The following PRRX1 variants were observed in gnomAD, a reference collection of about 807,000 sequenced individuals.
The protein encoded by PRRX1 is paired related homeobox 1.
PRRX1 carries 8 observed loss-of-function variants against 24.0 expected under a neutral mutation model. The observed-to-expected ratio is 0.33, with a 90% CI of 0.20 to 0.60. The LOEUF (loss-of-function observed/expected upper bound fraction) is 0.60, where lower values mean the gene tolerates loss of function less well. Among genes scored for constraint, PRRX1 ranks in the 20% least tolerant of loss-of-function variants. The pLI, the probability that PRRX1 is intolerant of heterozygous loss-of-function variation, is 0.82. For synonymous variants in PRRX1, 160 were observed against 131.7 expected (o/e 1.22, Z -1.47); for missense variants, 281 against 322.4 (o/e 0.87, Z 0.98).
Position 170,719,820 on chromosome 1 carries a change from C to G in PRRX1, c.336C>G (p.Val112=). The G allele has an allele frequency of 6.2e-7, 1 of 1,614,204 alleles. No homozygotes were observed. The highest frequency in any genetic ancestry group is 2.2e-5 in the East Asian group (1 of 44,888). Reference sequence around the variant, plus strand: ...GCCAGCTGCAGGCTTTGGAGCGTGTCTTTGAGCGGACACACTATCCTGATG... The same window carrying G: ...GCCAGCTGCAGGCTTTGGAGCGTGTGTTTGAGCGGACACACTATCCTGATG... The part of the protein sequence containing the change: ...NSSQLQALER[V]FERTHYPDAF... Residue 112 remains valine, a synonymous_variant, in exon 2 of 4, where the codon GTC becomes GTG. Coordinates refer to ENST00000239461, the MANE Select transcript of PRRX1 (RefSeq NM_022716.4).
intron 1 of PRRX1, among the ~76,000 whole-genome samples, chr1:170,692,522 T>G (rs1237548855): frequency 1.5e-5 from 2 of 129,082 alleles, no homozygotes; most frequent in Non-Finnish European, 3.4e-5. Flanking sequence ...GTTAAAGCTG[T>G]TTTTTTTTTT....
intron 1 of PRRX1, among the ~76,000 whole-genome samples, chr1:170,695,304 A>G (rs1430494602): frequency 6.6e-6 from 1 of 152,158 alleles, no homozygotes; most frequent in African/African-American, 2.4e-5. Flanking sequence ...AATGCTTATT[A>G]TGTCCCACCA....
intron 1 of PRRX1, among the ~76,000 whole-genome samples, chr1:170,697,356 A>G (rs1457182541): frequency 1.3e-5 from 2 of 152,204 alleles, no homozygotes; most frequent in Non-Finnish European, 2.9e-5. Context: ...AAAGTTTTAT[A>G]AATACATAAT....
intron 3 of PRRX1, among the ~76,000 whole-genome samples, chr1:170,733,800 A>AT (rs1169980276): frequency 6.6e-6 from 1 of 152,132 alleles, no homozygotes; most frequent in Non-Finnish European, 1.5e-5. Flanking sequence ...TACCCTAGAA[A>AT]TTTTTTGAAT....
chr1:170,716,650 T>C (rs1654917674), intron 1 of PRRX1, among the ~76,000 whole-genome samples: 1 of 152,200 alleles, frequency 6.6e-6, no homozygotes, highest in African/African-American at 2.4e-5. Context: ...ATCCTTCCCA[T>C]TTTAGAATGC....
intron 1 of PRRX1, among the ~76,000 whole-genome samples, chr1:170,680,462 T>G (rs529414476): frequency 2.6e-5 from 4 of 152,292 alleles, no homozygotes; most frequent in African/African-American, 9.6e-5. Flanking sequence ...GATCCTTTGG[T>G]GACATGAATT....
intron 1 of PRRX1, among the ~76,000 whole-genome samples, chr1:170,671,411 C>T (rs1333523615): frequency 1.3e-5 from 2 of 152,324 alleles, no homozygotes; most frequent in South Asian, 2.1e-4. Flanking sequence ...AACAAACACC[C>T]CCACCCCATC....
At chr1:170,719,033 T>C (rs549590530) in intron 1 of PRRX1, among the ~76,000 whole-genome samples, 19 of 152,238 alleles carry the variant, frequency 1.2e-4, no homozygotes, top group Admixed American at 2.6e-4. Flanking sequence ...AACTGTTTCC[T>C]GTTCTTGGGT....
intron 1 of PRRX1, among the ~76,000 whole-genome samples, chr1:170,669,805 T>G (rs1166488660): frequency 6.6e-6 from 1 of 152,114 alleles, no homozygotes; most frequent in Non-Finnish European, 1.5e-5. Flanking sequence ...CCGAGCTCAC[T>G]TTCAACAGCT....
intron 1 of PRRX1, among the ~76,000 whole-genome samples, chr1:170,719,462 G>T (rs1481325533): frequency 6.6e-6 from 1 of 152,240 alleles, no homozygotes; most frequent in African/African-American, 2.4e-5. Context: ...CAAGGATCAT[G>T]CAAGTAATGT....
chr1:170,690,123 T>TC (rs5778676), intron 1 of PRRX1, among the ~76,000 whole-genome samples: 302 of 149,818 alleles, frequency 2.0e-3, no homozygotes, highest in African/African-American at 6.1e-3. Flanking sequence ...ACTCCTCCCC[T>TC]CCCCCCCCAT....
At chr1:170,716,398 C>A (rs941127881) in intron 1 of PRRX1, among the ~76,000 whole-genome samples, 1 of 152,100 alleles carries the variant, frequency 6.6e-6, no homozygotes, top group Non-Finnish European at 1.5e-5. Context: ...TCCCGGCTAA[C>A]ACGGTGAAAC....
chr1:170,720,213 G>C (rs536618446), intron 2 of PRRX1, among the ~76,000 whole-genome samples: 208 of 152,276 alleles, frequency 1.4e-3, no homozygotes, highest in Middle Eastern at 3.4e-3. Flanking sequence ...GGGGGGTGGA[G>C]GTTGCAGTGA....
At chr1:170,666,303 G>C (rs2101880688) in intron 1 of PRRX1, among the ~76,000 whole-genome samples, 1 of 150,082 alleles carries the variant, frequency 6.7e-6, no homozygotes, top group South Asian at 2.1e-4. Flanking sequence ...CTGTAATCCC[G>C]GTTACTCAGC....
intron 1 of PRRX1, among the ~76,000 whole-genome samples, chr1:170,684,996 CTT>C (rs1408756894): frequency 6.6e-6 from 1 of 152,176 alleles, no homozygotes; most frequent in African/African-American, 2.4e-5. Flanking sequence ...AAAAACTAGA[CTT>C]CATGTAAACT....
intron 1 of PRRX1, among the ~76,000 whole-genome samples, chr1:170,698,317 T>G (rs1390930269): frequency 2.0e-5 from 3 of 152,204 alleles, no homozygotes; most frequent in Non-Finnish European, 4.4e-5. Flanking sequence ...ATATGTTTCT[T>G]GAAAGAGATT....
At chr1:170,678,308 C>G (rs948258092) in intron 1 of PRRX1, among the ~76,000 whole-genome samples, 2 of 152,194 alleles carry the variant, frequency 1.3e-5, no homozygotes, top group Admixed American at 6.5e-5. Context: ...GCCAAGCAAT[C>G]AACAATTAAA....
chr1:170,701,641 T>C (rs1654363493), intron 1 of PRRX1, among the ~76,000 whole-genome samples: 1 of 152,188 alleles, frequency 6.6e-6, no homozygotes, highest in Non-Finnish European at 1.5e-5. Flanking sequence ...GAAAGGGTTA[T>C]TGCAACAGGG....
chr1:170,708,407 A>G (rs1166341459), intron 1 of PRRX1, among the ~76,000 whole-genome samples: 1 of 152,112 alleles, frequency 6.6e-6, no homozygotes, highest in Non-Finnish European at 1.5e-5. Flanking sequence ...AAATCACCAT[A>G]TAATTAAGGC....
Sources: allele counts gnomAD v4.1 joint callset (sites outside exome capture counted in the v4.1 genomes callset), GRCh38; gene constraint gnomAD v4.1.1; transcripts MANE v1.5; gene names NCBI Gene and HGNC (gene_info 2026-07-23, HGNC 2026-07-21).